KIF21A: variants seen among roughly 807,000 people sequenced by gnomAD.
KIF21A encodes kinesin-like protein KIF21A.
KIF21A carries 114 observed loss-of-function variants against 202.9 expected under a neutral mutation model. The ratio of observed to expected loss-of-function variants is 0.56; its 90% confidence interval spans 0.48 to 0.66. The LOEUF (loss-of-function observed/expected upper bound fraction) is 0.66. Among genes scored for constraint, KIF21A ranks in the 30% least tolerant of loss-of-function variants. KIF21A has a pLI of 0.00. For missense variants in KIF21A, 1,677 were observed against 1,994.9 expected (o/e 0.84, Z 3.04); for synonymous variants, 667 against 670.8 (o/e 0.99, Z 0.09).
At chr12:39,441,009 T>C (rs762541051) in intron 1 of KIF21A, among the ~76,000 whole-genome samples, 8 of 150,688 alleles carry the variant, frequency 5.3e-5, no homozygotes, top group Non-Finnish European at 1.0e-4. Flanking sequence ...AGCAAAACCC[T>C]ATCTCAAAAA....
At chr12:39,379,917 G>T (rs1413668013) in intron 1 of KIF21A, among the ~76,000 whole-genome samples, 1 of 152,094 alleles carries the variant, frequency 6.6e-6, no homozygotes, top group Non-Finnish European at 1.5e-5. Flanking sequence ...GTTTCCTATT[G>T]AGATCCTGAT....
chr12:39,425,638 A>T (rs1264531477), intron 1 of KIF21A, among the ~76,000 whole-genome samples: 1 of 152,202 alleles, frequency 6.6e-6, no homozygotes, highest in Non-Finnish European at 1.5e-5. Flanking sequence ...AATATAAATT[A>T]TATACATGGA....
intron 16 of KIF21A, among the ~76,000 whole-genome samples, chr12:39,339,235 C>CAAA (rs35065621): frequency 0.098 from 12,713 of 130,266 alleles, 732 homozygotes; most frequent in South Asian, 0.28. Flanking sequence ...GACTCCCTCT[C>CAAA]AAAAAAAAAA....
chr12:39,343,436 A>G (rs1187158157), intron 12 of KIF21A, among the ~76,000 whole-genome samples: 3 of 152,088 alleles, frequency 2.0e-5, no homozygotes, highest in Non-Finnish European at 2.9e-5. Flanking sequence ...CAATATTCTA[A>G]AAGTAAAATT....
In KIF21A at chr12:39,318,205, C is replaced by T. The variant is rs1028908333; in HGVS notation, c.3780-4G>A. On this transcript the variant is annotated splice_polypyrimidine_tract_variant and splice_region_variant and intron_variant, in intron 28 of 37. Transcript: ENST00000361418. ...CTCTGAAGTTCCAGAATCTGAGCTA[C>T]AAGAAAAAAAGAACATTAAGTAGGT... 4 of 1,611,660 alleles carry T rather than the reference C, an allele frequency of 2.5e-6. No individual in the cohort carries two copies. The African/African-American group carries it at 4.0e-5, about 16-fold the overall frequency.
intron 37 of KIF21A, among the ~76,000 whole-genome samples, chr12:39,299,443 T>C (rs569823695): frequency 2.0e-5 from 3 of 151,848 alleles, no homozygotes; most frequent in Non-Finnish European, 4.4e-5. Flanking sequence ...TATTAAAAAG[T>C]CAAAAATAAC....
intron 31 of KIF21A, 99 bp from the exon 32 acceptor site, chr12:39,311,652 C>T (rs1378906311): frequency 1.7e-6 from 2 of 1,176,092 alleles, no homozygotes; most frequent in Non-Finnish European, 2.5e-6. Flanking sequence ...TTTAAGAAGT[C>T]TTTATAAGTA....
Position 39,315,235 on chromosome 12 carries a change from G to A in KIF21A, c.3953C>T (p.Ser1318Phe), listed in dbSNP as rs1485764024. 6.2e-7 allele frequency: 1 copy of A among 1,611,670 alleles called. No homozygotes were observed. The highest frequency in any genetic ancestry group is 8.5e-7 in the Non-Finnish European group (1 of 1,178,540). Residue 1318 changes from serine to phenylalanine, a missense_variant, in exon 31 of 38, where the codon TCC becomes TTC. Around this residue, in one of 3 missense-constraint regions of KIF21A, gnomAD observed 705 missense variants for 791.9 expected, o/e 0.89. Transcript: ENST00000361418. ...DSSLSEVHRSSRRGIINPFPA... is the reference protein window; with the variant it reads ...DSSLSEVHRSFRRGIINPFPA... ...TCTCCCTTCCCCTGCCTACCTTCTG[G>A]AGGATCTGCTGATGATCAGCAAAAA...
intron 35 of KIF21A, among the ~76,000 whole-genome samples, chr12:39,304,265 T>G (rs1019737318): frequency 3.3e-5 from 5 of 152,202 alleles, no homozygotes; most frequent in African/African-American, 1.2e-4. Flanking sequence ...TCCCCAAGGC[T>G]GAGTTCCCAG....
intron 1 of KIF21A, among the ~76,000 whole-genome samples, chr12:39,441,676 A>AAAGAAAAAAAC (rs1555208057): frequency 7.3e-6 from 1 of 137,314 alleles, no homozygotes; most frequent in African/African-American, 2.8e-5. Flanking sequence ...AAAAAAAAAA[A>AAAGAAAAAAAC]AAAACACTTA....
intron 1 of KIF21A, among the ~76,000 whole-genome samples, chr12:39,414,313 A>G (rs1453762061): frequency 2.6e-5 from 4 of 152,234 alleles, no homozygotes; most frequent in Non-Finnish European, 5.9e-5. Flanking sequence ...AAGCAGACCA[A>G]AAGTGCTCAC....
chr12:39,398,366 G>A (rs1404381117), intron 1 of KIF21A, among the ~76,000 whole-genome samples: 2 of 152,184 alleles, frequency 1.3e-5, no homozygotes, highest in African/African-American at 4.8e-5. Flanking sequence ...TTGGGAGGCT[G>A]AGGCAAGAGG....
chr12:39,351,350 T>G (rs1948359905), intron 11 of KIF21A, among the ~76,000 whole-genome samples: 1 of 152,078 alleles, frequency 6.6e-6, no homozygotes. Context: ...GATGGATTAG[T>G]TTAGCCTTTA....
Position 39,353,163 on chromosome 12 carries a change from C to T in KIF21A, c.1470-1183G>A, listed in dbSNP as rs554804508. On this transcript the variant is annotated intron_variant, in intron 10 of 37. Coordinates refer to ENST00000361418, the MANE Select transcript of KIF21A (RefSeq NM_001173464.2). ...AAGGCACAGTCAGCTCAGTGCTTTTCCATTGCCTACCAAAATTATTCATTC... is the reference window on the plus strand; with the variant it reads ...AAGGCACAGTCAGCTCAGTGCTTTTTCATTGCCTACCAAAATTATTCATTC... Among the ~76,000 whole-genome samples the T allele has an allele frequency of 5.3e-5, 8 of 152,176 alleles. No individual in the cohort carries two copies. In the South Asian group the frequency reaches 1.7e-3, roughly 32 times the overall value.
chr12:39,385,997 T>C (rs764546718), intron 1 of KIF21A, among the ~76,000 whole-genome samples: 7 of 152,190 alleles, frequency 4.6e-5, no homozygotes, highest in Non-Finnish European at 8.8e-5. Flanking sequence ...GATAAAGGCT[T>C]TCTGTTTATT....
chr12:39,436,443 TATATA>T (rs1420513901), intron 1 of KIF21A, among the ~76,000 whole-genome samples: 39 of 118,480 alleles, frequency 3.3e-4, no homozygotes, highest in African/African-American at 1.1e-3. Context: ...TATATATATA[TATATA>T]TTTTTTTTTT....
intron 1 of KIF21A, among the ~76,000 whole-genome samples, chr12:39,382,050 C>G (rs575921273): frequency 6.6e-6 from 1 of 152,328 alleles, no homozygotes; most frequent in South Asian, 2.1e-4. Flanking sequence ...CCACCCCGCA[C>G]AGCAACCATC....
intron 1 of KIF21A, among the ~76,000 whole-genome samples, chr12:39,400,054 G>A (rs1208004799): frequency 6.6e-6 from 1 of 152,158 alleles, no homozygotes; most frequent in Non-Finnish European, 1.5e-5. Flanking sequence ...GCTAATAAGT[G>A]AAAACACTAA....
intron 1 of KIF21A, among the ~76,000 whole-genome samples, chr12:39,441,680 A>AAAAAAAAAAAAAAAAAAAAAC: frequency 6.7e-6 from 1 of 148,280 alleles, no homozygotes; most frequent in African/African-American, 2.5e-5. Context: ...AAAAAAAAAA[A>AAAAAAAAAAAAAAAAAAAAAC]CACTTAAAAA....
Sources: gnomAD v4.1 joint callset for allele counts (sites outside exome capture counted in the v4.1 genomes callset) on GRCh38, gnomAD v4.1.1 for gene constraint, gnomAD v4.1.1 regional missense constraint, MANE v1.5 for transcripts, NCBI Gene and HGNC (gene_info 2026-07-23, HGNC 2026-07-21) for gene names.